Variants in ATRNL1 observed in about 807,000 individuals in gnomAD.
ATRNL1 encodes the protein attractin-like protein 1.
Under a neutral mutation model 182.7 loss-of-function variants are expected in ATRNL1, and 95 were observed. The ratio of observed to expected loss-of-function variants is 0.52; its 90% CI spans 0.44 to 0.62. The LOEUF is 0.62. ATRNL1 is among the 20% of genes least tolerant of loss of function. ATRNL1 has a pLI of 0.00. For missense variants in ATRNL1, 1,471 were observed against 1,679.5 expected (o/e 0.88, Z 2.17); for synonymous variants, 576 against 568.3 (o/e 1.01, Z -0.19).
At chr10:115,809,752 T>C (rs114681167) in intron 27 of ATRNL1, among the ~76,000 whole-genome samples, 1 of 152,042 alleles carries the variant, frequency 6.6e-6, no homozygotes, top group African/African-American at 2.4e-5. Flanking sequence ...AACACAATTT[T>C]AGTTCTTCCT....
At chr10:115,551,568 A>G (rs1554995542) in intron 26 of ATRNL1, among the ~76,000 whole-genome samples, 1 of 151,456 alleles carries the variant, frequency 6.6e-6, no homozygotes, top group Admixed American at 6.6e-5. Context: ...TAGTGTTTGC[A>G]TTTAATTTGC....
intron 19 of ATRNL1, among the ~76,000 whole-genome samples, chr10:115,369,102 A>C (rs537805369): frequency 6.6e-6 from 1 of 152,124 alleles, no homozygotes; most frequent in Admixed American, 6.5e-5. Flanking sequence ...ATAAAATAAT[A>C]TCCTCTAGGT....
At chr10:115,784,319 T>C (rs898640501) in intron 27 of ATRNL1, among the ~76,000 whole-genome samples, 3 of 152,044 alleles carry the variant, frequency 2.0e-5, no homozygotes, top group Admixed American at 6.5e-5. Flanking sequence ...CCATAAACGA[T>C]TGTGGGGGTA....
At chr10:115,472,327 A>G (rs530035395) in intron 24 of ATRNL1, among the ~76,000 whole-genome samples, 130 of 151,000 alleles carry the variant, frequency 8.6e-4, no homozygotes, top group African/African-American at 3.0e-3. Context: ...GACTATTTGC[A>G]GTCTTTTGTG....
intron 10 of ATRNL1, among the ~76,000 whole-genome samples, chr10:115,247,645 A>G (rs1184764204): frequency 6.6e-6 from 1 of 152,216 alleles, no homozygotes; most frequent in Non-Finnish European, 1.5e-5. Flanking sequence ...TAGAACTATT[A>G]TACGATCCAG....
intron 27 of ATRNL1, among the ~76,000 whole-genome samples, chr10:115,783,048 T>C (rs1456761522): frequency 6.6e-6 from 1 of 152,186 alleles, no homozygotes; most frequent in Non-Finnish European, 1.5e-5. Flanking sequence ...AGTGATCTGG[T>C]TGGTATTATT....
intron 10 of ATRNL1, among the ~76,000 whole-genome samples, chr10:115,256,098 C>CT (rs1564855716): frequency 6.6e-6 from 1 of 152,064 alleles, no homozygotes; most frequent in Non-Finnish European, 1.5e-5. Context: ...CTAAAATTCT[C>CT]TTTTTTTGTT....
At chr10:115,864,271 G>GAAAAAAA (rs527752228) in intron 28 of ATRNL1, among the ~76,000 whole-genome samples, 1 of 89,272 alleles carries the variant, frequency 1.1e-5, no homozygotes, top group Admixed American at 1.1e-4. Flanking sequence ...AGTGTCACAA[G>GAAAAAAA]AAAAAAAAAA....
chr10:115,317,807 G>A (rs1854378931), intron 18 of ATRNL1, among the ~76,000 whole-genome samples: 1 of 152,098 alleles, frequency 6.6e-6, no homozygotes, highest in Non-Finnish European at 1.5e-5. Flanking sequence ...TGAAATGATG[G>A]GGTTTTCTAA....
At chr10:115,874,416 A>G (rs1339054165) in intron 28 of ATRNL1, among the ~76,000 whole-genome samples, 1 of 152,222 alleles carries the variant, frequency 6.6e-6, no homozygotes, top group Non-Finnish European at 1.5e-5. Flanking sequence ...TAACAACTTG[A>G]GAATTTATAA....
At chr10:115,738,154 T>TTTTTTTTTTGTTTTTTTTTTTTTTTTTC (rs71010046) in intron 27 of ATRNL1, among the ~76,000 whole-genome samples, 1 of 63,870 alleles carries the variant, frequency 1.6e-5, no homozygotes, top group East Asian at 7.6e-4. Context: ...TTTTTTTTTT[T>TTTTTTTTTTGTTTTTTTTTTTTTTTTTC]TTGAGATGGA....
At chr10:115,201,309 C>A (rs1204884947) in intron 8 of ATRNL1, among the ~76,000 whole-genome samples, 22 of 151,952 alleles carry the variant, frequency 1.4e-4, no homozygotes, top group Non-Finnish European at 2.8e-4. Flanking sequence ...CTTGCCCATG[C>A]CTATGTCCTG....
intron 24 of ATRNL1, among the ~76,000 whole-genome samples, chr10:115,484,590 C>T (rs1273901190): frequency 2.6e-5 from 4 of 151,606 alleles, no homozygotes; most frequent in African/African-American, 9.7e-5. Flanking sequence ...TTTAACACCA[C>T]TCATTGGGCA....
intron 22 of ATRNL1, among the ~76,000 whole-genome samples, chr10:115,464,308 G>A (rs150797560): frequency 3.5e-3 from 530 of 150,996 alleles, no homozygotes; most frequent in Non-Finnish European, 6.1e-3. Context: ...ATAAAAAGTA[G>A]ATAATTATTT....
In ATRNL1 at chr10:115,300,253, T is replaced by C; in HGVS notation, c.2629+6T>C. The C allele has an allele frequency of 6.2e-7, 1 of 1,608,322 alleles. No individual in the cohort carries two copies. The highest frequency in any genetic ancestry group is 8.5e-7 in the Non-Finnish European group (1 of 1,175,050). ...TGTCTGTGAAAAACCTGTTGGTAAG[T>C]AGTCCAGTAAATTAGCATTCCTTTA... On this transcript the variant is annotated splice_donor_region_variant and intron_variant, in intron 16 of 28. Coordinates refer to ENST00000355044, the MANE Select transcript of ATRNL1 (RefSeq NM_207303.4).
chr10:115,749,336 C>T (rs1339885921), intron 27 of ATRNL1, among the ~76,000 whole-genome samples: 1 of 151,740 alleles, frequency 6.6e-6, no homozygotes, highest in Non-Finnish European at 1.5e-5. Flanking sequence ...TATTCTTGTT[C>T]ATTCCTTTTT....
chr10:115,147,537 T>G (rs1846026873), intron 5 of ATRNL1, among the ~76,000 whole-genome samples: 1 of 152,212 alleles, frequency 6.6e-6, no homozygotes, highest in Non-Finnish European at 1.5e-5. Flanking sequence ...CAAAAAATCT[T>G]TGCCTAGGTC....
intron 20 of ATRNL1, among the ~76,000 whole-genome samples, chr10:115,398,355 TA>T (rs1844389372): frequency 6.6e-6 from 1 of 151,968 alleles, no homozygotes; most frequent in South Asian, 2.1e-4. Context: ...AATTGTAACT[TA>T]AAAATGAATT....
chr10:115,750,926 T>C (rs1368239578), intron 27 of ATRNL1, among the ~76,000 whole-genome samples: 1 of 152,054 alleles, frequency 6.6e-6, no homozygotes, highest in African/African-American at 2.4e-5. Flanking sequence ...TCAGTAAGGT[T>C]GGCAAAAACA....
Sources: allele counts gnomAD v4.1 joint callset (sites outside exome capture counted in the v4.1 genomes callset), GRCh38; gene constraint gnomAD v4.1.1; transcripts MANE v1.5; gene names NCBI Gene and HGNC (gene_info 2026-07-23, HGNC 2026-07-21).